Variants in KCNQ3 observed in about 807,000 individuals in gnomAD.
KCNQ3 encodes potassium voltage-gated channel subfamily Q member 3.
In KCNQ3, 30 loss-of-function variants were observed where a neutral mutation model predicts 92.5. That is an observed-to-expected ratio of 0.32 (90% CI 0.24 to 0.44). The LOEUF is 0.44. Ranked by LOEUF, KCNQ3 falls within the 20% of genes least tolerant of loss-of-function variation. The probability of loss-of-function intolerance (pLI) is 1.00; values close to 1 mark genes in which losing one functional copy is unlikely to be tolerated. For synonymous variants in KCNQ3, 450 were observed against 468.8 expected (o/e 0.96, Z 0.52); for missense variants, 913 against 1,140.3 (o/e 0.80, Z 2.87).
chr8:132,257,090 A>G (rs1018782119), intron 1 of KCNQ3, among the ~76,000 whole-genome samples: 13 of 152,322 alleles, frequency 8.5e-5, no homozygotes, highest in African/African-American at 2.9e-4. Context: ...TTTTTATGAT[A>G]ATGGTAGCAC....
intron 1 of KCNQ3, among the ~76,000 whole-genome samples, chr8:132,420,652 A>G (rs1820942358): frequency 3.3e-5 from 5 of 152,182 alleles, no homozygotes; most frequent in Admixed American, 3.3e-4. Context: ...GGGAAAGCAT[A>G]AGTGTTTATT....
At chr8:132,447,263 G>T in intron 1 of KCNQ3, 1 of 1,535,168 alleles carries the variant, frequency 6.5e-7, no homozygotes, top group South Asian at 1.2e-5. Flanking sequence ...TTTAACAAGT[G>T]GTGGTAACAC....
intron 3 of KCNQ3, among the ~76,000 whole-genome samples, chr8:132,181,233 G>T (rs141045513): frequency 7.9e-4 from 121 of 152,252 alleles, no homozygotes; most frequent in Middle Eastern, 6.8e-3. Context: ...GGGAGGAACT[G>T]ATCTGTTTTC....
rs62520386 is a variant in KCNQ3, at chr8:132,407,778, A to G, written c.386+72369T>C. Among the ~76,000 whole-genome samples the G allele has an allele frequency of 9.9e-3, 1,503 of 152,322 alleles. 13 individuals carry two copies. The highest frequency in any genetic ancestry group is 0.016 in the Non-Finnish European group (1,115 of 68,038). On this transcript the variant is annotated intron_variant, in intron 1 of 14. Transcript: ENST00000388996. ...TACATCTTCCTGGTGCTGCCTCCCC[A>G]GAGTCTAGCTCGGCAGGTCTGCAGC...
At chr8:132,414,731 A>G (rs1242275706) in intron 1 of KCNQ3, among the ~76,000 whole-genome samples, 1 of 152,252 alleles carries the variant, frequency 6.6e-6, no homozygotes, top group Non-Finnish European at 1.5e-5. Flanking sequence ...AAGCGGAAGA[A>G]TAGCAAAATA....
At chr8:132,196,203 G>T (rs1038356922) in intron 1 of KCNQ3, among the ~76,000 whole-genome samples, 1 of 151,822 alleles carries the variant, frequency 6.6e-6, no homozygotes, top group African/African-American at 2.4e-5. Flanking sequence ...ACTCTTTAAG[G>T]CTCAGCTCAA....
chr8:132,355,266 C>T (rs917826500), intron 1 of KCNQ3, among the ~76,000 whole-genome samples: 4 of 152,042 alleles, frequency 2.6e-5, no homozygotes, highest in African/African-American at 9.7e-5. Flanking sequence ...GAGCAAGGAT[C>T]ACATATCTAG....
intron 9 of KCNQ3, among the ~76,000 whole-genome samples, chr8:132,161,686 T>C (rs529515486): frequency 1.8e-3 from 277 of 151,066 alleles, no homozygotes; most frequent in African/African-American, 6.6e-3. Context: ...GAAATATGAA[T>C]AAAGGAAGGT....
intron 1 of KCNQ3, among the ~76,000 whole-genome samples, chr8:132,393,723 A>G (rs1216040007): frequency 2.0e-5 from 3 of 152,192 alleles, no homozygotes; most frequent in Admixed American, 6.5e-5. Flanking sequence ...AAGGACTGTT[A>G]TTCCTCATTT....
At chr8:132,277,612 T>A (rs777496326) in intron 1 of KCNQ3, among the ~76,000 whole-genome samples, 6 of 152,166 alleles carry the variant, frequency 3.9e-5, no homozygotes, top group Admixed American at 6.5e-5. Context: ...ACCTTCTACA[T>A]GTCAAAAGAT....
chr8:132,470,222 C>T (rs1256744009), intron 1 of KCNQ3, among the ~76,000 whole-genome samples: 3 of 152,158 alleles, frequency 2.0e-5, no homozygotes, highest in East Asian at 3.9e-4. Context: ...GGCTTCATGT[C>T]GGAATCACCT....
At chr8:132,451,963 T>G (rs958065938) in intron 1 of KCNQ3, among the ~76,000 whole-genome samples, 1 of 152,130 alleles carries the variant, frequency 6.6e-6, no homozygotes, top group African/African-American at 2.4e-5. Context: ...TTTGCAGAAC[T>G]AAACACCCTG....
At chr8:132,344,191 C>T (rs1317354218) in intron 1 of KCNQ3, among the ~76,000 whole-genome samples, 9 of 152,310 alleles carry the variant, frequency 5.9e-5, no homozygotes, top group Admixed American at 5.9e-4. Flanking sequence ...AAGGAAATCT[C>T]CACAACTTAC....
intron 1 of KCNQ3, among the ~76,000 whole-genome samples, chr8:132,374,114 C>T (rs367962806): frequency 4.6e-5 from 7 of 152,148 alleles, no homozygotes; most frequent in Admixed American, 2.0e-4. Context: ...CACTTGTCAC[C>T]GGAGAAAACT....
chr8:132,362,543 T>A (rs1445632502), intron 1 of KCNQ3, among the ~76,000 whole-genome samples: 1 of 151,980 alleles, frequency 6.6e-6, no homozygotes, highest in Admixed American at 6.6e-5. Flanking sequence ...AAACAAGAAA[T>A]GAGGACATGC....
chr8:132,443,481 G>A (rs948704656), intron 1 of KCNQ3, among the ~76,000 whole-genome samples: 2 of 152,076 alleles, frequency 1.3e-5, no homozygotes, highest in African/African-American at 2.4e-5. Context: ...AGATGTCCAC[G>A]TGTCAGAGAC....
intron 1 of KCNQ3, among the ~76,000 whole-genome samples, chr8:132,204,624 T>C (rs1165192003): frequency 2.0e-5 from 3 of 152,170 alleles, no homozygotes; most frequent in African/African-American, 7.2e-5. Flanking sequence ...CCACTTGGCA[T>C]TTGGGCAACT....
intron 9 of KCNQ3, among the ~76,000 whole-genome samples, chr8:132,151,845 G>A (rs1825644418): frequency 6.6e-6 from 1 of 152,172 alleles, no homozygotes; most frequent in Non-Finnish European, 1.5e-5. Flanking sequence ...TATTTGACAT[G>A]TTTACGTACA....
At chr8:132,171,530 C>T (rs761783365) in intron 7 of KCNQ3, among the ~76,000 whole-genome samples, 61 of 152,230 alleles carry the variant, frequency 4.0e-4, no homozygotes, top group Non-Finnish European at 8.1e-4. Context: ...CTGCAACCCC[C>T]AGCCCATGTG....
Sources: gnomAD v4.1 joint callset for allele counts (sites outside exome capture counted in the v4.1 genomes callset) on GRCh38, gnomAD v4.1.1 for gene constraint, MANE v1.5 for transcripts, NCBI Gene and HGNC (gene_info 2026-07-23, HGNC 2026-07-21) for gene names.